ROBO1: variants seen among roughly 807,000 people sequenced by gnomAD.
The protein encoded by ROBO1 is roundabout homolog 1.
In ROBO1, 149 loss-of-function variants were observed where a neutral mutation model predicts 195.9. That is an observed-to-expected ratio of 0.76 (90% CI 0.67 to 0.87). The LOEUF is 0.87. Among genes scored for constraint, ROBO1 ranks in the 40% least tolerant of loss-of-function variants. ROBO1 has a pLI of 0.00. For synonymous variants in ROBO1, 816 were observed against 733.2 expected (o/e 1.11, Z -1.82); for missense variants, 1,933 against 2,068.3 (o/e 0.93, Z 1.27).
intron 4 of ROBO1, among the ~76,000 whole-genome samples, chr3:78,902,542 T>TA (rs941344134): frequency 1.3e-5 from 2 of 152,080 alleles, no homozygotes; most frequent in East Asian, 1.9e-4. Flanking sequence ...GGCATATTAA[T>TA]AAAAAAAATT....
At chr3:79,159,614 T>G (rs1425796366) in intron 2 of ROBO1, among the ~76,000 whole-genome samples, 1 of 152,022 alleles carries the variant, frequency 6.6e-6, no homozygotes, top group African/African-American at 2.4e-5. Context: ...ATTGATTGAG[T>G]CTCCAATTGT....
At chr3:79,562,547 A>C (rs2107714971) in intron 2 of ROBO1, among the ~76,000 whole-genome samples, 1 of 152,184 alleles carries the variant, frequency 6.6e-6, no homozygotes, top group South Asian at 2.1e-4. Context: ...AGCAAGATTT[A>C]GGTTGAAATG....
chr3:78,717,419 A>AT lies in ROBO1; in HGVS notation c.779-7dup. 6.2e-7 allele frequency: 1 copy of AT among 1,613,266 alleles called. No individual in the cohort carries two copies. The highest frequency in any genetic ancestry group is 8.5e-7 in the Non-Finnish European group (1 of 1,179,300). On this transcript the variant is annotated splice_polypyrimidine_tract_variant and splice_region_variant and intron_variant, in intron 6 of 30. Coordinates refer to ENST00000464233, the MANE Select transcript of ROBO1 (RefSeq NM_002941.4). ...CTTCACAAATGATGGTCTCTCTAAA[A>AT]TTAAAAAGAGTCATCTTAAGGTAAA...
intron 2 of ROBO1, among the ~76,000 whole-genome samples, chr3:79,355,658 C>G (rs35311665): frequency 0.02 from 3,080 of 152,228 alleles, 42 homozygotes; most frequent in Non-Finnish European, 0.033. Context: ...AAACGGTGCC[C>G]TATTTGTCTT....
At chr3:79,150,214 CT>C (rs2080739410) in intron 2 of ROBO1, among the ~76,000 whole-genome samples, 1 of 150,918 alleles carries the variant, frequency 6.6e-6, no homozygotes, top group African/African-American at 2.4e-5. Context: ...TGTGACCTCA[CT>C]TCTGTGACAG....
At chr3:78,987,381 A>G (rs1295501516) in intron 3 of ROBO1, among the ~76,000 whole-genome samples, 1 of 152,116 alleles carries the variant, frequency 6.6e-6, no homozygotes, top group African/African-American at 2.4e-5. Flanking sequence ...TGGGGCAGGG[A>G]GACTCTTAAG....
intron 28 of ROBO1, among the ~76,000 whole-genome samples, chr3:78,611,346 A>T (rs1331157148): frequency 6.6e-6 from 1 of 152,218 alleles, no homozygotes; most frequent in Non-Finnish European, 1.5e-5. Context: ...ATGTAAATGC[A>T]TTAGAGAGGT....
chr3:78,711,364 TTCCTTCCTTCCTTCCTTC>T (rs1559773005), intron 8 of ROBO1, among the ~76,000 whole-genome samples: 402 of 39,602 alleles, frequency 0.01, 9 homozygotes, highest in African/African-American at 0.037. Flanking sequence ...CCTTCCTTCC[TTCCTTCCTTCCTTCCTTC>T]CTTCCTTCCT....
At chr3:79,622,064 GA>G (rs1258031807) in intron 1 of ROBO1, among the ~76,000 whole-genome samples, 9 of 152,244 alleles carry the variant, frequency 5.9e-5, no homozygotes, top group Middle Eastern at 3.4e-3. Flanking sequence ...CAGAGAGAAG[GA>G]AGAACAGTGT....
chr3:78,774,397 G>A (rs987335396), intron 4 of ROBO1, among the ~76,000 whole-genome samples: 2 of 151,482 alleles, frequency 1.3e-5, no homozygotes, highest in East Asian at 3.9e-4. Flanking sequence ...CGCAAGCTAC[G>A]CCTCCTGGGT....
At chr3:79,533,232 A>T (rs1270402009) in intron 2 of ROBO1, 2 of 166,824 alleles carry the variant, frequency 1.2e-5, no homozygotes, top group Non-Finnish European at 2.7e-5. Context: ...CTCCTGGTGA[A>T]TACCTAAAAT....
At chr3:79,266,237 G>A (rs899672331) in intron 2 of ROBO1, among the ~76,000 whole-genome samples, 3 of 151,486 alleles carry the variant, frequency 2.0e-5, no homozygotes, top group Non-Finnish European at 4.4e-5. Flanking sequence ...AAAATCCAGC[G>A]AGAGCTCAAA....
At chr3:78,845,688 G>A (rs1252067250) in intron 4 of ROBO1, among the ~76,000 whole-genome samples, 1 of 151,962 alleles carries the variant, frequency 6.6e-6, no homozygotes, top group Non-Finnish European at 1.5e-5. Context: ...GTCACTAGAA[G>A]CTAAGCCTAA....
intron 2 of ROBO1, among the ~76,000 whole-genome samples, chr3:79,154,352 A>T (rs2080822763): frequency 6.6e-6 from 1 of 151,754 alleles, no homozygotes; most frequent in Non-Finnish European, 1.5e-5. Context: ...GACATTTTGC[A>T]TTTCAAAAGC....
intron 1 of ROBO1, among the ~76,000 whole-genome samples, chr3:79,754,567 A>G (rs933306498): frequency 6.6e-6 from 1 of 152,196 alleles, no homozygotes; most frequent in African/African-American, 2.4e-5. Flanking sequence ...CATCTCAGCA[A>G]CGCTAGCTCC....
Position 78,694,737 on chromosome 3 carries a change from G to A in ROBO1, c.1046-5965C>T, listed in dbSNP as rs540466306. Among the ~76,000 whole-genome samples, 3 of 152,206 alleles carry A rather than the reference G, an allele frequency of 2.0e-5. No individual in the cohort carries two copies. The South Asian group carries it at 6.2e-4, about 32-fold the overall frequency. On this transcript the variant is annotated intron_variant, in intron 8 of 30. Coordinates refer to ENST00000464233, the MANE Select transcript of ROBO1 (RefSeq NM_002941.4). ...GATGCCTTTTAAATGACAGTAAGAA[G>A]TATTTAGGCACTACAAAAGAGAGGA...
At chr3:78,875,375 G>C (rs2035778936) in intron 4 of ROBO1, among the ~76,000 whole-genome samples, 2 of 152,036 alleles carry the variant, frequency 1.3e-5, no homozygotes, top group Middle Eastern at 3.4e-3. Flanking sequence ...TAGTAAGCTT[G>C]AGAGCAAAAG....
intron 2 of ROBO1, among the ~76,000 whole-genome samples, chr3:79,515,729 G>A (rs771285927): frequency 1.6e-4 from 24 of 152,068 alleles, no homozygotes; most frequent in Admixed American, 1.2e-3. Context: ...GTTCGTGAAC[G>A]TGAATATAGT....
intron 1 of ROBO1, among the ~76,000 whole-genome samples, chr3:79,758,633 G>C (rs1247772264): frequency 6.6e-6 from 1 of 152,174 alleles, no homozygotes. Flanking sequence ...TCTCTACAGA[G>C]AGAAAAGAAG....
Sources: allele counts gnomAD v4.1 joint callset (sites outside exome capture counted in the v4.1 genomes callset), GRCh38; gene constraint gnomAD v4.1.1; transcripts MANE v1.5; gene names NCBI Gene and HGNC (gene_info 2026-07-23, HGNC 2026-07-21).